The following CASC3 variants were observed in gnomAD, a reference collection of about 807,000 sequenced individuals.
The protein encoded by CASC3 is protein CASC3.
Under a neutral mutation model 80.5 loss-of-function variants are expected in CASC3, and 30 were observed. The ratio of observed to expected loss-of-function variants is 0.37; its 90% CI spans 0.28 to 0.51. The LOEUF (loss-of-function observed/expected upper bound fraction) is 0.51, where lower values mean the gene tolerates loss of function less well. CASC3 is among the 20% of genes least tolerant of loss of function. The pLI is 0.94. For synonymous variants in CASC3, 312 were observed against 333.6 expected (o/e 0.94, Z 0.70); for missense variants, 824 against 922.2 (o/e 0.89, Z 1.38).
At chr17:40,159,688 G>T (rs966002425) in intron 3 of CASC3, among the ~76,000 whole-genome samples, 5 of 148,638 alleles carry the variant, frequency 3.4e-5, no homozygotes, top group African/African-American at 1.0e-4. Flanking sequence ...GGGACTATAG[G>T]CGCACACCAC....
chr17:40,140,760 GTGCT>G lies in CASC3; in HGVS notation c.213_216del (p.Ser71ArgfsTer44). ...CGGGTGGAGAGCGGGGGCGCCAAGA[GTGCT>G]GAGGAGTCGGAGTGTGTGAGTGCGC... On this transcript the variant is annotated frameshift_variant, in exon 1 of 14. Transcript: ENST00000264645. LOFTEE classifies it high-confidence loss of function. 1 of 1,508,000 alleles carries G rather than the reference GTGCT, an allele frequency of 6.6e-7. No homozygotes were observed. The highest frequency in any genetic ancestry group is 8.9e-7 in the Non-Finnish European group (1 of 1,128,984). 93.4% of individuals were successfully genotyped at this position (1,508,000 alleles called of 1,614,324 possible).
rs781021733 is a variant in CASC3, at chr17:40,163,749, C to T, written c.1054C>T (p.Arg352Trp). 15 of 1,613,994 alleles carry T rather than the reference C, an allele frequency of 9.3e-6. No homozygotes were observed. The highest frequency in any genetic ancestry group is 2.2e-5 in the South Asian group (2 of 91,082). ...TAAGCATGAGATTAGTTACCGGTCA[C>T]GGCGCCTAGAGCAGACTTCTGTGAG... ...TVKHEISYRS[R>W]RLEQTSVRDP... The change falls in exon 7 of 14, where the codon CGG (arginine) becomes TGG (tryptophan). Residue 352 changes from arginine to tryptophan, a missense_variant. Around this residue, in one of 3 missense-constraint regions of CASC3, gnomAD observed 464 missense variants for 506.0 expected, o/e 0.92. Transcript: ENST00000264645.
intron 11 of CASC3, chr17:40,168,666 C>G (rs1989516043): frequency 6.7e-6 from 3 of 445,968 alleles, no homozygotes; most frequent in Middle Eastern, 1.4e-3. Flanking sequence ...TCTCGGTTCA[C>G]TGTAACCTCC....
chr17:40,142,617 G>A (rs372814970), intron 3 of CASC3, among the ~76,000 whole-genome samples: 5 of 152,044 alleles, frequency 3.3e-5, no homozygotes, highest in East Asian at 3.9e-4. Flanking sequence ...GGCCCGGCGC[G>A]GTGGCTCACG....
rs751450184 is a variant in CASC3 at position 40,168,227 on chromosome 17, C to T, written c.1775C>T (p.Ala592Val). 1.2e-6 allele frequency: 2 copies of T among 1,614,124 alleles called. No individual in the cohort carries two copies. The highest frequency in any genetic ancestry group is 1.7e-6 in the Non-Finnish European group (2 of 1,179,988). Residue 592 changes from alanine (A) to valine (V), a missense_variant, in exon 11 of 14, where the codon GCT becomes GTT. Around this residue, in one of 3 missense-constraint regions of CASC3, gnomAD observed 464 missense variants for 506.0 expected, o/e 0.92. Transcript: ENST00000264645. ...HPGLHPHQTPAPLPNPGLYPP... is the reference protein window; with the variant it reads ...HPGLHPHQTPVPLPNPGLYPP... ...GGTTTACATCCCCACCAGACACCAG[C>T]TCCTCTGCCCAATCCAGGCCTCTAT...
At position 40,167,520 on chromosome 17, in the gene CASC3, A is replaced by G. The variant is rs766978755; in HGVS notation, c.1559A>G (p.Lys520Arg). Residue 520 changes from lysine (K) to arginine (R), a missense_variant, in exon 9 of 14, where the codon AAA becomes AGA. Lys to Arg is a conservative substitution (Grantham distance 26). Coordinates refer to ENST00000264645, the MANE Select transcript of CASC3 (RefSeq NM_007359.5). ...EEMGVQGGRA[K>R]RYSSQRQRPV... ...CAGGGTGTCCAGGGTGGTCGAGCCA[A>G]ACGCTATTCATCCCAGCGGCAAAGA... 12 of 1,614,062 alleles carry G rather than the reference A, an allele frequency of 7.4e-6. No individual in the cohort carries two copies. Among genetic ancestry groups the G allele is most frequent in the Non-Finnish European group, 8.5e-6 (10 of 1,179,990 alleles).
chr17:40,167,128 A>AT (rs1220226574), intron 8 of CASC3: 1 of 497,376 alleles, frequency 2.0e-6, no homozygotes, highest in Non-Finnish European at 3.5e-6. Context: ...TGCCCAGCTA[A>AT]TTTTTGTATT....
chr17:40,163,352 C>T, intron 6 of CASC3, 129 bp from the exon 7 acceptor site: 1 of 730,556 alleles, frequency 1.4e-6, no homozygotes, highest in Non-Finnish European at 2.2e-6. Context: ...CCAGGCTGGT[C>T]TTGAACTCCT....
chr17:40,170,994 A>G lies in CASC3; in HGVS notation c.*589A>G. The G allele has an allele frequency of 3.0e-6, 3 of 985,324 alleles. No homozygotes were observed. Among genetic ancestry groups the G allele is most frequent in the Non-Finnish European group, 3.6e-6 (3 of 829,890 alleles). The allele number at this position is 985,324 out of a possible 1,614,324, so 61.0% of individuals were successfully genotyped here. A position where few individuals can be genotyped will look rare whatever the true frequency, so the allele number is the denominator to read the frequency against. On this transcript the variant is annotated 3_prime_UTR_variant, in exon 14 of 14. Coordinates refer to ENST00000264645, the MANE Select transcript of CASC3 (RefSeq NM_007359.5). ...CAGCCAGCCTTCCCCACCAAGTCTAAAAAGACCTGGCCTTTCACTTTTAGT... is the reference window on the plus strand; with the variant it reads ...CAGCCAGCCTTCCCCACCAAGTCTAGAAAGACCTGGCCTTTCACTTTTAGT...
chr17:40,143,624 G>T (rs1357216981), intron 3 of CASC3, among the ~76,000 whole-genome samples: 1 of 152,098 alleles, frequency 6.6e-6, no homozygotes, highest in Non-Finnish European at 1.5e-5. Context: ...AAGGTCAAGA[G>T]ATTGAGACCA....
chr17:40,140,767 G>C lies in CASC3; in HGVS notation c.219G>C (p.Glu73Asp), dbSNP rs1412182660. The C allele has an allele frequency of 1.3e-6, 2 of 1,499,628 alleles. No homozygotes were observed. Among genetic ancestry groups the C allele is most frequent in the Admixed American group, 2.3e-5 (1 of 43,580 alleles). The allele number at this position is 1,499,628 out of a possible 1,614,324, so 92.9% of individuals were successfully genotyped here. ...AGAGCGGGGGCGCCAAGAGTGCTGA[G>C]GAGTCGGAGTGTGTGAGTGCGCGCA... The part of the protein sequence containing the change: ...RVESGGAKSA[E>D]ESECESEDGI... The change falls in exon 1 of 14, where the codon GAG becomes GAC. Residue 73 changes from glutamate to aspartate, a missense_variant. Transcript: ENST00000264645.
At position 40,170,890 on chromosome 17, in the gene CASC3, A is replaced by G. The variant is rs759721037; in HGVS notation, c.*485A>G. On this transcript the variant is annotated 3_prime_UTR_variant, in exon 14 of 14. Transcript: ENST00000264645. ...CTCTCTCCCTGCCTTTAAATGAAAC[A>G]AGTCTAGTCTTCTGGTTTTCTAGCC... The G allele has an allele frequency of 1.1e-5, 11 of 985,372 alleles. No individual in the cohort carries two copies. The highest frequency in any genetic ancestry group is 1.3e-5 in the Non-Finnish European group (11 of 829,882). 61.0% of individuals were successfully genotyped at this position (985,372 alleles called of 1,614,324 possible).
chr17:40,141,471 G>T, intron 2 of CASC3, 99 bp from the exon 3 acceptor site: 2 of 1,026,168 alleles, frequency 1.9e-6, no homozygotes, highest in East Asian at 4.7e-5. Flanking sequence ...GTTGTAGGTT[G>T]ATGTCAGAAT....
chr17:40,163,429 G>A (rs552905234), intron 6 of CASC3, 52 bp from the exon 7 acceptor site: 31 of 1,513,502 alleles, frequency 2.0e-5, no homozygotes, highest in Admixed American at 3.7e-5. Flanking sequence ...GCCACCGCGC[G>A]TAGCCTCCTT....
chr17:40,171,785 G>A lies in CASC3; in HGVS notation c.*1380G>A. The A allele has an allele frequency of 8.6e-7, 1 of 1,165,894 alleles. No individual in the cohort carries two copies. Among genetic ancestry groups the A allele is most frequent in the South Asian group, 1.7e-5 (1 of 57,160 alleles). 72.2% of individuals were successfully genotyped at this position (1,165,894 alleles called of 1,614,324 possible). On this transcript the variant is annotated 3_prime_UTR_variant, in exon 14 of 14. Transcript: ENST00000264645. The stretch of plus-strand genomic sequence containing the variant: ...AAGATGGTGGCTGTGTCTCTCCCCG[G>A]TAATGTCACTGTTTTTATTCCTTCC...
intron 3 of CASC3, among the ~76,000 whole-genome samples, chr17:40,151,694 C>CAAAAAAAA (rs1010260103): frequency 1.9e-5 from 1 of 53,098 alleles, no homozygotes. Context: ...ACCTTCATCT[C>CAAAAAAAA]AAAAAAAAAA....
Position 40,140,752 on chromosome 17 carries a change from C to T in CASC3, c.204C>T (p.Gly68=). 2 of 1,518,692 alleles carry T rather than the reference C, an allele frequency of 1.3e-6. No homozygotes were observed. Among genetic ancestry groups the T allele is most frequent in the Non-Finnish European group, 1.8e-6 (2 of 1,134,720 alleles). The allele number at this position is 1,518,692 out of a possible 1,614,324, so 94.1% of individuals were successfully genotyped here. The change falls in exon 1 of 14, where the codon GGC becomes GGT. Residue 68 remains glycine, a synonymous_variant. Coordinates refer to ENST00000264645, the MANE Select transcript of CASC3 (RefSeq NM_007359.5). ...ALHLRRVESG[G]AKSAEESECE... is the part of the protein sequence containing the mutation. ...ATCTGCGGCGGGTGGAGAGCGGGGGCGCCAAGAGTGCTGAGGAGTCGGAGT... is the reference window on the plus strand; with the variant it reads ...ATCTGCGGCGGGTGGAGAGCGGGGGTGCCAAGAGTGCTGAGGAGTCGGAGT...
chr17:40,170,159 G>T (rs1301217549), intron 13 of CASC3, among the ~76,000 whole-genome samples: 2 of 151,444 alleles, frequency 1.3e-5, no homozygotes, highest in Admixed American at 6.6e-5. Context: ...ATTGGGCAGG[G>T]TTGAAGTAGA....
In CASC3 at chr17:40,167,526, A is replaced by G; in HGVS notation, c.1565A>G (p.Tyr522Cys). The part of the protein sequence containing the change: ...MGVQGGRAKR[Y>C]SSQRQRPVPE... ...GTCCAGGGTGGTCGAGCCAAACGCT[A>G]TTCATCCCAGCGGCAAAGACCTGTG... is the stretch of plus-strand genomic sequence containing the variant. The change falls in exon 9 of 14, where the codon TAT (tyrosine) becomes TGT (cysteine). Residue 522 changes from tyrosine (Y) to cysteine (C), a missense_variant. This residue lies in a region of CASC3 where 464 missense variants were observed against 506.0 expected (regional missense o/e 0.92). Coordinates refer to ENST00000264645, the MANE Select transcript of CASC3 (RefSeq NM_007359.5). 10 of 1,614,014 alleles carry G rather than the reference A, an allele frequency of 6.2e-6. No homozygotes were observed. Among genetic ancestry groups the G allele is most frequent in the Non-Finnish European group, 6.8e-6 (8 of 1,179,994 alleles).
Sources: gnomAD v4.1 joint callset for allele counts (sites outside exome capture counted in the v4.1 genomes callset) on GRCh38, gnomAD v4.1.1 for gene constraint, gnomAD v4.1.1 regional missense constraint, MANE v1.5 for transcripts, NCBI Gene and HGNC (gene_info 2026-07-23, HGNC 2026-07-21) for gene names.